Variants in SPACA7 observed in about 807,000 individuals in gnomAD.
The protein encoded by SPACA7 is sperm acrosome-associated protein 7.
Under a neutral mutation model 26.3 loss-of-function variants are expected in SPACA7, and 19 were observed. The ratio of observed to expected loss-of-function variants is 0.72; its 90% CI spans 0.50 to 1.06. SPACA7 has a LOEUF of 1.06. Ranked by LOEUF, SPACA7 falls within the 50% of genes least tolerant of loss-of-function variation. The probability of loss-of-function intolerance (pLI) is 0.00; values close to 1 mark genes in which losing one functional copy is unlikely to be tolerated. For synonymous variants in SPACA7, 84 were observed against 84.5 expected, an observed-to-expected ratio of 0.99 and a Z score of 0.04; for missense variants, 211 against 229.9, an observed-to-expected ratio of 0.92 and a Z score of 0.53.
intron 1 of SPACA7, among the ~76,000 whole-genome samples, chr13:112,377,167 C>T (rs116172016): frequency 0.014 from 2,148 of 152,236 alleles, 45 homozygotes; most frequent in African/African-American, 0.05. Context: ...CTTTGCTAAA[C>T]TGATTCAGCA....
intron 5 of SPACA7, among the ~76,000 whole-genome samples, chr13:112,424,158 A>ACC (rs1346511674): frequency 6.6e-6 from 1 of 152,142 alleles, no homozygotes; most frequent in Non-Finnish European, 1.5e-5. Flanking sequence ...AGCAGCCCCT[A>ACC]CCCGCCCGAA....
At chr13:112,383,839 C>A (rs1884364028) in intron 1 of SPACA7, among the ~76,000 whole-genome samples, 1 of 152,188 alleles carries the variant, frequency 6.6e-6, no homozygotes, top group Admixed American at 6.5e-5. Context: ...ACCAATTTCT[C>A]CAATTTTGTC....
chr13:112,426,551 A>T (rs1876552957), intron 5 of SPACA7, among the ~76,000 whole-genome samples: 1 of 152,192 alleles, frequency 6.6e-6, no homozygotes, highest in Non-Finnish European at 1.5e-5. Context: ...AACTCCACTT[A>T]TTTAGATCTT....
In SPACA7 at chr13:112,414,388, C is replaced by CTTTTTTTTTTTTTTTTTTTTTTTTTTT. The variant is rs869183760; in HGVS notation, c.445+13238_445+13264dup. On this transcript the variant is annotated intron_variant, in intron 5 of 6. Coordinates refer to ENST00000283550, the MANE Select transcript of SPACA7 (RefSeq NM_145248.5). ...AAGTTTCTGAATGGCTTTTCTGTGT[C>CTTTTTTTTTTTTTTTTTTTTTTTTTTT]TTTTTTTTTTTTTTTTTTTTTTTTT... Among the ~76,000 whole-genome samples the CTTTTTTTTTTTTTTTTTTTTTTTTTTT allele has an allele frequency of 9.6e-5, 3 of 31,396 alleles. 1 individual carries two copies. The highest frequency in any genetic ancestry group is 5.1e-4 in the Admixed American group (1 of 1,980). The allele number at this position is 31,396 out of a possible 152,430, so 20.6% of individuals were successfully genotyped here.
chr13:112,405,085 C>G (rs1220372830), intron 5 of SPACA7, among the ~76,000 whole-genome samples: 1 of 150,986 alleles, frequency 6.6e-6, no homozygotes, highest in Non-Finnish European at 1.5e-5. Flanking sequence ...CGGGTTCACG[C>G]CATTCTCCCG....
rs747947681 is a variant in SPACA7, at chr13:112,399,130, T to C, written c.306T>C (p.Asn102=). ...AGAATTACCATGAATTATTAGAGAA[T>C]TTACAATTCTCTCCTGGCATTGAGG... The part of the protein sequence containing the change: ...GSENYHELLE[N]LQFSPGIEVK... The change falls in exon 4 of 7, where the codon AAT becomes AAC. Residue 102 remains asparagine, a synonymous_variant. Coordinates refer to ENST00000283550, the MANE Select transcript of SPACA7 (RefSeq NM_145248.5). The C allele has an allele frequency of 6.2e-7, 1 of 1,610,574 alleles. No homozygotes were observed. The highest frequency in any genetic ancestry group is 1.3e-5 in the African/African-American group (1 of 74,974).
At chr13:112,378,620 G>A in intron 1 of SPACA7, 1 of 469,268 alleles carries the variant, frequency 2.1e-6, no homozygotes. Flanking sequence ...CTAAAGACTT[G>A]GGTGAATTTC....
intron 5 of SPACA7, among the ~76,000 whole-genome samples, chr13:112,403,353 T>A (rs1885766974): frequency 6.6e-6 from 1 of 152,222 alleles, no homozygotes. Context: ...TGTAAATTTA[T>A]GCTTAATCAT....
At chr13:112,413,174 T>C (rs1415345451) in intron 5 of SPACA7, among the ~76,000 whole-genome samples, 1 of 152,222 alleles carries the variant, frequency 6.6e-6, no homozygotes, top group African/African-American at 2.4e-5. Context: ...ACCATTGAGT[T>C]TCATACCTTC....
chr13:112,400,541 G>A (rs557626685), intron 4 of SPACA7, among the ~76,000 whole-genome samples: 10 of 152,216 alleles, frequency 6.6e-5, no homozygotes, highest in Non-Finnish European at 1.3e-4. Context: ...CACTAACACC[G>A]TTACTGATTG....
intron 2 of SPACA7, among the ~76,000 whole-genome samples, chr13:112,396,894 C>T (rs1288566382): frequency 2.6e-5 from 4 of 152,208 alleles, no homozygotes; most frequent in African/African-American, 9.6e-5. Context: ...GACACCTCGT[C>T]CACTCCCAGG....
intron 2 of SPACA7, 136 bp from the exon 3 acceptor site, chr13:112,397,913 C>T: frequency 1.8e-6 from 1 of 560,746 alleles, no homozygotes; most frequent in Non-Finnish European, 3.2e-6. Context: ...TCCCACATCC[C>T]CTGGGTTCCC....
intron 5 of SPACA7, among the ~76,000 whole-genome samples, chr13:112,415,905 C>G (rs770461783): frequency 3.9e-5 from 6 of 152,072 alleles, no homozygotes; most frequent in Non-Finnish European, 8.8e-5. Flanking sequence ...GGGCACTGGC[C>G]TGGAATCAAG....
At chr13:112,388,844 C>T (rs550737591) in intron 1 of SPACA7, among the ~76,000 whole-genome samples, 1 of 152,144 alleles carries the variant, frequency 6.6e-6, no homozygotes, top group African/African-American at 2.4e-5. Context: ...GCCAGGAGTG[C>T]TGATTGGTCA....
chr13:112,414,325 ATTG>A (rs1886539512), intron 5 of SPACA7, among the ~76,000 whole-genome samples: 2 of 113,256 alleles, frequency 1.8e-5, no homozygotes, highest in South Asian at 5.8e-4. Flanking sequence ...TATTGTTATT[ATTG>A]TTATTATTTC....
At chr13:112,420,276 G>T (rs66920033) in intron 5 of SPACA7, among the ~76,000 whole-genome samples, 39,336 of 150,858 alleles carry the variant, frequency 0.26, 5,478 homozygotes, top group South Asian at 0.38. Flanking sequence ...TGTCCCAGAT[G>T]TTGGAACTAT....
Position 112,398,117 on chromosome 13 carries a change from T to G in SPACA7, c.220T>G (p.Ser74Ala). 4 of 1,613,592 alleles carry G rather than the reference T, an allele frequency of 2.5e-6. No homozygotes were observed. Among genetic ancestry groups the G allele is most frequent in the Non-Finnish European group, 3.4e-6 (4 of 1,179,532 alleles). The change falls in exon 3 of 7, where the codon TCA (serine) becomes GCA (alanine). Residue 74 changes from serine to alanine, a missense_variant. Ser to Ala is a moderately conservative substitution (Grantham distance 99). Transcript: ENST00000283550. Reference sequence around the variant, plus strand: ...ACCGAGCGAAATGCCAAGTACAGCATCAACATTATCAACACCGTTACGTAA... The same window carrying G: ...ACCGAGCGAAATGCCAAGTACAGCAGCAACATTATCAACACCGTTACGTAA... ...TTPSEMPSTA[S>A]TLSTPLHAGI...
At position 112,399,298 on chromosome 13, in the gene SPACA7, A is replaced by G. The variant is rs112401200; in HGVS notation, c.349+125A>G. 418 of 688,258 alleles carry G rather than the reference A, an allele frequency of 6.1e-4. 2 individuals carry two copies. Among genetic ancestry groups the G allele is most frequent in the African/African-American group, 5.0e-3 (284 of 56,408 alleles). The allele number at this position is 688,258 out of a possible 1,614,324, so 42.6% of individuals were successfully genotyped here. ...AAACCCTTGGTGGGAGAATGTGCCC[A>G]CTTCCCCTGGTTGGGCAGATCTCCC... On this transcript the variant is annotated intron_variant, in intron 4 of 6. Coordinates refer to ENST00000283550, the MANE Select transcript of SPACA7 (RefSeq NM_145248.5).
intron 5 of SPACA7, among the ~76,000 whole-genome samples, chr13:112,406,826 A>C (rs1886018635): frequency 6.6e-6 from 1 of 152,176 alleles, no homozygotes; most frequent in South Asian, 2.1e-4. Context: ...CCTTGTTCTT[A>C]GGATATCCAG....
Sources: allele counts gnomAD v4.1 joint callset (sites outside exome capture counted in the v4.1 genomes callset), GRCh38; gene constraint gnomAD v4.1.1; transcripts MANE v1.5; gene names NCBI Gene and HGNC (gene_info 2026-07-23, HGNC 2026-07-21).